DSCAM: variants seen among roughly 807,000 people sequenced by gnomAD.
DSCAM encodes cell adhesion molecule DSCAM.
DSCAM carries 47 observed loss-of-function variants against 217.7 expected under a neutral mutation model. The observed-to-expected ratio is 0.22, with a 90% CI of 0.17 to 0.28. DSCAM has a LOEUF of 0.28. DSCAM is among the 10% of genes least tolerant of loss of function. The pLI is 1.00. For synonymous variants in DSCAM, 1,056 were observed against 1,015.3 expected (o/e 1.04, Z -0.76); for missense variants, 2,080 against 2,618.3 (o/e 0.79, Z 4.49).
chr21:40,197,121 TC>T (rs2091019314), intron 11 of DSCAM, among the ~76,000 whole-genome samples: 2 of 145,152 alleles, frequency 1.4e-5, no homozygotes, highest in African/African-American at 5.7e-5. Flanking sequence ...TTTCTTTCTT[TC>T]TTTTTTTCTT....
chr21:40,301,069 C>T (rs1227157253), intron 9 of DSCAM, among the ~76,000 whole-genome samples: 2 of 152,168 alleles, frequency 1.3e-5, no homozygotes, highest in Admixed American at 6.5e-5. Flanking sequence ...AATAAATAAC[C>T]TGCCAGCCAA....
intron 3 of DSCAM, among the ~76,000 whole-genome samples, chr21:40,616,339 A>AC (rs1314847963): frequency 6.6e-6 from 1 of 151,920 alleles, no homozygotes; most frequent in Non-Finnish European, 1.5e-5. Flanking sequence ...TGTTTTGTAC[A>AC]CCCGGGGTCC....
intron 10 of DSCAM, among the ~76,000 whole-genome samples, chr21:40,285,321 TAGA>T (rs2073811319): frequency 6.6e-6 from 1 of 152,132 alleles, no homozygotes. Flanking sequence ...TGCCTACACC[TAGA>T]AGAAGGCTTC....
chr21:40,793,020 A>C (rs988340400), intron 1 of DSCAM, among the ~76,000 whole-genome samples: 3 of 152,224 alleles, frequency 2.0e-5, no homozygotes, highest in Non-Finnish European at 4.4e-5. Context: ...AAGGTAAAAT[A>C]CATAGGCCAC....
intron 3 of DSCAM, among the ~76,000 whole-genome samples, chr21:40,528,198 T>A (rs978480728): frequency 3.3e-5 from 5 of 152,312 alleles, no homozygotes; most frequent in African/African-American, 1.2e-4. Context: ...CCATATTTAA[T>A]GGTGAAATTC....
intron 4 of DSCAM, among the ~76,000 whole-genome samples, chr21:40,356,740 G>T (rs1355707294): frequency 1.3e-5 from 2 of 152,162 alleles, no homozygotes; most frequent in Non-Finnish European, 2.9e-5. Flanking sequence ...ACTGAAGCTG[G>T]CAAACCAGCT....
intron 3 of DSCAM, among the ~76,000 whole-genome samples, chr21:40,508,667 C>CA (rs1408448715): frequency 6.8e-6 from 1 of 146,322 alleles, no homozygotes; most frequent in East Asian, 2.0e-4. Flanking sequence ...CTCCTGGGCT[C>CA]AAGGGAACCA....
At chr21:40,412,728 T>C (rs1403524374) in intron 3 of DSCAM, among the ~76,000 whole-genome samples, 1 of 152,224 alleles carries the variant, frequency 6.6e-6, no homozygotes, top group Non-Finnish European at 1.5e-5. Flanking sequence ...AAAGAAAATA[T>C]ATTCTGAGGA....
At chr21:40,137,274 T>A (rs1410860783) in intron 18 of DSCAM, among the ~76,000 whole-genome samples, 1 of 127,142 alleles carries the variant, frequency 7.9e-6, no homozygotes, top group African/African-American at 2.9e-5. Context: ...GGGGGGGGGT[T>A]CAAGTTATTT....
chr21:40,589,957 A>C lies in DSCAM; in HGVS notation c.508+102853T>G, dbSNP rs1054997334. 4.6e-5 allele frequency among the ~76,000 whole-genome samples: 7 copies of C among 152,204 alleles called. No homozygotes were observed. In the South Asian group the frequency reaches 1.0e-3, roughly 22 times the overall value. On this transcript the variant is annotated intron_variant, in intron 3 of 32. Coordinates refer to ENST00000400454, the MANE Select transcript of DSCAM (RefSeq NM_001389.5). ...TTAACACTCTCCTCTCCTATCACTC[A>C]GCAGTTTCTTTTAAGATGTAAAAAT...
chr21:40,290,855 C>T (rs1569044563), intron 10 of DSCAM, among the ~76,000 whole-genome samples: 1 of 152,168 alleles, frequency 6.6e-6, no homozygotes, highest in South Asian at 2.1e-4. Flanking sequence ...ATACTGAGCA[C>T]AAAATCAATC....
intron 11 of DSCAM, among the ~76,000 whole-genome samples, chr21:40,248,045 G>GC (rs912878635): frequency 5.9e-5 from 9 of 152,242 alleles, no homozygotes; most frequent in Admixed American, 3.3e-4. Context: ...CTGTCCCTTC[G>GC]CCCCTTTTAG....
At chr21:40,241,707 T>C (rs971287901) in intron 11 of DSCAM, among the ~76,000 whole-genome samples, 2 of 152,204 alleles carry the variant, frequency 1.3e-5, no homozygotes, top group Non-Finnish European at 2.9e-5. Flanking sequence ...AAATGTTCAC[T>C]GAAGCACTAT....
At chr21:40,137,660 T>C (rs934975999) in intron 18 of DSCAM, among the ~76,000 whole-genome samples, 1 of 151,448 alleles carries the variant, frequency 6.6e-6, no homozygotes, top group African/African-American at 2.4e-5. Context: ...CTGAAGTGTA[T>C]TGTTCAGTTG....
At chr21:40,496,347 A>G (rs560083178) in intron 3 of DSCAM, among the ~76,000 whole-genome samples, 1 of 152,276 alleles carries the variant, frequency 6.6e-6, no homozygotes, top group East Asian at 1.9e-4. Context: ...CAGAATACAG[A>G]ATAAAGAGCC....
chr21:40,732,246 C>T (rs140589794), intron 1 of DSCAM, among the ~76,000 whole-genome samples: 1 of 152,278 alleles, frequency 6.6e-6, no homozygotes, highest in African/African-American at 2.4e-5. Context: ...TATTATATCA[C>T]CCTAGGACCC....
chr21:40,780,706 T>C (rs760859324), intron 1 of DSCAM, among the ~76,000 whole-genome samples: 5 of 151,794 alleles, frequency 3.3e-5, no homozygotes, highest in Non-Finnish European at 5.9e-5. Context: ...CAGGAACATG[T>C]AGAGGGGTGG....
chr21:40,618,751 G>A (rs1243674027), intron 3 of DSCAM: 1 of 151,980 alleles, frequency 6.6e-6, no homozygotes, highest in Non-Finnish European at 1.5e-5. Context: ...GAGATTGACT[G>A]GGAGAATGGA....
intron 3 of DSCAM, among the ~76,000 whole-genome samples, chr21:40,531,685 G>C (rs1460007275): frequency 3.3e-5 from 5 of 152,206 alleles, no homozygotes; most frequent in Non-Finnish European, 7.3e-5. Context: ...TTCCTGAGTG[G>C]TTGCATCACA....
Sources: allele counts gnomAD v4.1 joint callset (sites outside exome capture counted in the v4.1 genomes callset), GRCh38; gene constraint gnomAD v4.1.1; transcripts MANE v1.5; gene names NCBI Gene and HGNC (gene_info 2026-07-23, HGNC 2026-07-21).